Variants in UBE2E2 observed in about 807,000 individuals in gnomAD.
UBE2E2 encodes ubiquitin conjugating enzyme E2 E2, also known as ubiquitin-conjugating enzyme E2 E2.
Under a neutral mutation model 24.7 loss-of-function variants are expected in UBE2E2, and 6 were observed. The observed-to-expected ratio is 0.24, with a 90% confidence interval of 0.13 to 0.48. The LOEUF is 0.48. Ranked by LOEUF, UBE2E2 falls within the 20% of genes least tolerant of loss-of-function variation. The probability of loss-of-function intolerance (pLI) is 0.99; values close to 1 mark genes in which losing one functional copy is unlikely to be tolerated. For synonymous variants in UBE2E2, 104 were observed against 83.6 expected, an observed-to-expected ratio of 1.24 and a Z score of -1.33; for missense variants, 169 against 245.0, an observed-to-expected ratio of 0.69 and a Z score of 2.07.
At chr3:23,254,516 G>T (rs1285079352) in intron 3 of UBE2E2, among the ~76,000 whole-genome samples, 1 of 152,180 alleles carries the variant, frequency 6.6e-6, no homozygotes, top group Non-Finnish European at 1.5e-5. Context: ...GTTCTCAAGG[G>T]ACATGTTGAC....
chr3:23,460,565 T>C (rs534588722), intron 3 of UBE2E2, among the ~76,000 whole-genome samples: 1 of 152,224 alleles, frequency 6.6e-6, no homozygotes, highest in Non-Finnish European at 1.5e-5. Flanking sequence ...GGAGTTACAA[T>C]ATGTATATAA....
At chr3:23,505,694 G>C (rs1694433832) in intron 4 of UBE2E2, among the ~76,000 whole-genome samples, 1 of 152,122 alleles carries the variant, frequency 6.6e-6, no homozygotes, top group Non-Finnish European at 1.5e-5. Flanking sequence ...TAAAATCCTA[G>C]AGATCAATTC....
chr3:23,441,062 A>C (rs187080439), intron 3 of UBE2E2, among the ~76,000 whole-genome samples: 1 of 152,338 alleles, frequency 6.6e-6, no homozygotes, highest in Non-Finnish European at 1.5e-5. Context: ...ACTGAGCTCC[A>C]GTACAAAAGA....
At chr3:23,350,264 G>A (rs1695701760) in intron 3 of UBE2E2, among the ~76,000 whole-genome samples, 1 of 152,156 alleles carries the variant, frequency 6.6e-6, no homozygotes, top group Admixed American at 6.5e-5. Context: ...ACCAAAAGTA[G>A]ATAAAACCAC....
rs533939299 is a variant in UBE2E2, at chr3:23,457,960, A to G, written c.228-41648A>G. On this transcript the variant is annotated intron_variant, in intron 3 of 5. Coordinates refer to ENST00000396703, the MANE Select transcript of UBE2E2 (RefSeq NM_152653.4). ...CACTAAAACTTTCTTCATATCAGCA[A>G]TAAAGCTCTTTCACTTTCTTATCAT... Among the ~76,000 whole-genome samples, 41 of 152,318 alleles carry G rather than the reference A, an allele frequency of 2.7e-4. 1 individual carries two copies. Among genetic ancestry groups the G allele is most frequent in the Middle Eastern group, 6.8e-3 (2 of 294 alleles).
At chr3:23,290,397 A>T (rs1429502716) in intron 3 of UBE2E2, among the ~76,000 whole-genome samples, 1 of 152,164 alleles carries the variant, frequency 6.6e-6, no homozygotes. Flanking sequence ...AAAAGTGTAG[A>T]CCTTGTTTTA....
At chr3:23,457,113 T>C (rs988322934) in intron 3 of UBE2E2, among the ~76,000 whole-genome samples, 1 of 152,146 alleles carries the variant, frequency 6.6e-6, no homozygotes, top group Non-Finnish European at 1.5e-5. Context: ...AACTGAGTCA[T>C]TGTATGTTGA....
In UBE2E2 at chr3:23,275,081, G is replaced by A. The variant is rs574855239; in HGVS notation, c.227+57769G>A. ...TGTGTAAAGCGTTGTGTTAGGCAGG[G>A]GGACTGCAGTAATGAGCAACCAACC... On this transcript the variant is annotated intron_variant, in intron 3 of 5. Coordinates refer to ENST00000396703, the MANE Select transcript of UBE2E2 (RefSeq NM_152653.4). 4.1e-4 allele frequency among the ~76,000 whole-genome samples: 63 copies of A among 152,294 alleles called. 1 individual carries two copies. The highest frequency in any genetic ancestry group is 6.3e-4 in the Non-Finnish European group (43 of 68,024).
At chr3:23,346,214 G>A (rs1695550584) in intron 3 of UBE2E2, among the ~76,000 whole-genome samples, 1 of 152,138 alleles carries the variant, frequency 6.6e-6, no homozygotes, top group African/African-American at 2.4e-5. Context: ...GTATTTTGTA[G>A]GACATACAAC....
intron 3 of UBE2E2, among the ~76,000 whole-genome samples, chr3:23,428,677 C>T (rs1159712185): frequency 2.0e-5 from 3 of 151,768 alleles, no homozygotes; most frequent in East Asian, 3.8e-4. Context: ...TTACTAACAT[C>T]AGAAACAAAA....
At chr3:23,559,126 C>A (rs752701708) in intron 5 of UBE2E2, among the ~76,000 whole-genome samples, 3 of 152,088 alleles carry the variant, frequency 2.0e-5, no homozygotes, top group Admixed American at 6.6e-5. Flanking sequence ...TTAAAAATAA[C>A]CAGCTAATGA....
At chr3:23,539,893 A>G (rs1006626690) in intron 5 of UBE2E2, among the ~76,000 whole-genome samples, 10 of 152,142 alleles carry the variant, frequency 6.6e-5, no homozygotes, top group Admixed American at 4.6e-4. Flanking sequence ...AAATGTGTGA[A>G]CTAGATGGCC....
intron 3 of UBE2E2, among the ~76,000 whole-genome samples, chr3:23,388,383 C>A (rs1165638120): frequency 6.6e-6 from 1 of 152,090 alleles, no homozygotes; most frequent in African/African-American, 2.4e-5. Flanking sequence ...ATTGTTTGTT[C>A]TCTTACATCT....
At chr3:23,471,794 A>C (rs1009944652) in intron 3 of UBE2E2, among the ~76,000 whole-genome samples, 1 of 152,254 alleles carries the variant, frequency 6.6e-6, no homozygotes, top group Non-Finnish European at 1.5e-5. Flanking sequence ...AAAGTGGGCA[A>C]GGACAACAGA....
chr3:23,325,275 T>G (rs967514890), intron 3 of UBE2E2, among the ~76,000 whole-genome samples: 1 of 152,194 alleles, frequency 6.6e-6, no homozygotes. Flanking sequence ...GTGTTTTGTA[T>G]AGTAAATATT....
intron 5 of UBE2E2, among the ~76,000 whole-genome samples, chr3:23,565,937 G>A (rs996917795): frequency 2.0e-5 from 3 of 152,158 alleles, no homozygotes; most frequent in Non-Finnish European, 2.9e-5. Flanking sequence ...GAATGACAAT[G>A]TAGACTAAAT....
chr3:23,341,108 G>T (rs867670087), intron 3 of UBE2E2, among the ~76,000 whole-genome samples: 15 of 152,168 alleles, frequency 9.9e-5, no homozygotes, highest in Non-Finnish European at 1.6e-4. Context: ...GCATTGAAAA[G>T]GTGTAAGTCT....
At chr3:23,343,551 G>A (rs1352756210) in intron 3 of UBE2E2, among the ~76,000 whole-genome samples, 6 of 152,120 alleles carry the variant, frequency 3.9e-5, no homozygotes, top group African/African-American at 1.4e-4. Flanking sequence ...ACTCTAGCCG[G>A]GGCGACAGAG....
At chr3:23,352,942 T>C (rs1356109181) in intron 3 of UBE2E2, among the ~76,000 whole-genome samples, 5 of 152,118 alleles carry the variant, frequency 3.3e-5, no homozygotes, top group African/African-American at 1.2e-4. Context: ...AAAGGAGAAT[T>C]TTAGACCAAT....
Sources: allele counts gnomAD v4.1 joint callset (sites outside exome capture counted in the v4.1 genomes callset), GRCh38; gene constraint gnomAD v4.1.1; transcripts MANE v1.5; gene names NCBI Gene and HGNC (gene_info 2026-07-23, HGNC 2026-07-21).